The following CNPY1 variants were observed in gnomAD, a reference collection of about 807,000 sequenced individuals.
CNPY1 encodes the protein canopy FGF signaling regulator 1, also known as protein canopy homolog 1.
Under a neutral mutation model 14.4 loss-of-function variants are expected in CNPY1, and 14 were observed. That is an observed-to-expected ratio of 0.97 (90% CI 0.64 to 1.52). The LOEUF is 1.52. CNPY1 is among the 40% of genes most tolerant of loss of function. CNPY1 has a pLI of 0.00. For missense variants in CNPY1, 129 were observed against 131.5 expected (o/e 0.98, Z 0.09); for synonymous variants, 43 against 46.5 (o/e 0.92, Z 0.31).
Position 155,508,875 on chromosome 7 carries a change from T to G in CNPY1, c.303+19A>C. On this transcript the variant is annotated intron_variant, in intron 3 of 4. Coordinates refer to ENST00000636446, the MANE Select transcript of CNPY1 (RefSeq NM_001393663.1). Reference sequence around the variant, plus strand: ...ACGTTTCTGGATCATACGATTCATCTGCAAGGAAGAGAGCTTACCGCAAAT... The same window carrying G: ...ACGTTTCTGGATCATACGATTCATCGGCAAGGAAGAGAGCTTACCGCAAAT... 1 of 1,611,568 alleles carries G rather than the reference T, an allele frequency of 6.2e-7. No individual in the cohort carries two copies. The highest frequency in any genetic ancestry group is 8.5e-7 in the Non-Finnish European group (1 of 1,179,422).
At chr7:155,506,911 CG>C in intron 4 of CNPY1, 108 bp downstream of exon 4, 1 of 717,702 alleles carries the variant, frequency 1.4e-6, no homozygotes. Context: ...GTGTCAGAGC[CG>C]TGGATCGCAG....
At chr7:155,528,335 G>A (rs554889837) in intron 2 of CNPY1, among the ~76,000 whole-genome samples, 6 of 152,312 alleles carry the variant, frequency 3.9e-5, no homozygotes, top group South Asian at 2.1e-4. Context: ...TGTGGTGGGC[G>A]GGCCCAGGAG....
intron 2 of CNPY1, among the ~76,000 whole-genome samples, chr7:155,537,756 C>T (rs974807210): frequency 5.9e-5 from 9 of 152,036 alleles, no homozygotes; most frequent in East Asian, 1.9e-4. Flanking sequence ...AACAAAATCA[C>T]GTGTCTGTGT....
intron 4 of CNPY1, among the ~76,000 whole-genome samples, chr7:155,506,366 G>C (rs1391641123): frequency 1.3e-5 from 2 of 152,202 alleles, no homozygotes; most frequent in Non-Finnish European, 2.9e-5. Flanking sequence ...CAACAGAGCG[G>C]AGAGTCAGTG....
intron 2 of CNPY1, among the ~76,000 whole-genome samples, chr7:155,514,444 TA>T (rs1301190941): frequency 6.6e-6 from 1 of 152,188 alleles, no homozygotes; most frequent in African/African-American, 2.4e-5. Context: ...ACTGAGAACA[TA>T]ATGGTTGATG....
At chr7:155,508,394 G>A (rs1235712893) in intron 3 of CNPY1, among the ~76,000 whole-genome samples, 2 of 152,212 alleles carry the variant, frequency 1.3e-5, no homozygotes, top group Non-Finnish European at 2.9e-5. Flanking sequence ...TAGAAAAAAA[G>A]AGGTGGTTGC....
rs914123082 is a variant in CNPY1, at chr7:155,536,744, C to T, written c.99+9087G>A. On this transcript the variant is annotated intron_variant, in intron 2 of 4. Coordinates refer to ENST00000636446, the MANE Select transcript of CNPY1 (RefSeq NM_001393663.1). The surrounding 1 kb of genome is among the most constrained non-coding windows in gnomAD (Gnocchi z 4.1). ...CTGAATGACCAAGTGGAGCAGAGCC[C>T]CGTGCCAACCCACACTAGACTACGA... Among the ~76,000 whole-genome samples the T allele has an allele frequency of 1.3e-5, 2 of 152,156 alleles. No homozygotes were observed. Among genetic ancestry groups the T allele is most frequent in the African/African-American group, 4.8e-5 (2 of 41,444 alleles).
At chr7:155,519,937 T>C (rs1796687142) in intron 2 of CNPY1, among the ~76,000 whole-genome samples, 1 of 152,228 alleles carries the variant, frequency 6.6e-6, no homozygotes, top group South Asian at 2.1e-4. Context: ...CCTCTCATAG[T>C]TCCTTGACTT....
intron 2 of CNPY1, among the ~76,000 whole-genome samples, chr7:155,525,228 T>C (rs1290003534): frequency 6.6e-6 from 1 of 152,214 alleles, no homozygotes; most frequent in Non-Finnish European, 1.5e-5. Context: ...TTGCCCAGAC[T>C]GTAGTGCAGT....
chr7:155,508,214 GC>G (rs754964926), intron 3 of CNPY1, among the ~76,000 whole-genome samples: 6 of 152,172 alleles, frequency 3.9e-5, no homozygotes, highest in Non-Finnish European at 7.4e-5. Flanking sequence ...AACGTATTTT[GC>G]CAAGCATATT....
Position 155,502,014 on chromosome 7 carries a change from T to A in CNPY1, c.*1054A>T, listed in dbSNP as rs2116644715. On this transcript the variant is annotated 3_prime_UTR_variant, in exon 5 of 5. Coordinates refer to ENST00000636446, the MANE Select transcript of CNPY1 (RefSeq NM_001393663.1). ...TGGGTCGGGGGGGTTGGGGGGGGGA[T>A]TTGTAGCATCCTACCCACTTGATTG... The A allele has an allele frequency of 6.9e-6, 1 of 145,708 alleles. No homozygotes were observed. Among genetic ancestry groups the A allele is most frequent in the Admixed American group, 6.8e-5 (1 of 14,748 alleles). The allele number at this position is 145,708 out of a possible 1,614,324, so 9.0% of individuals were successfully genotyped here. A position where few individuals can be genotyped will look rare whatever the true frequency, so the allele number is the denominator to read the frequency against.
chr7:155,540,415 G>C lies in CNPY1; in HGVS notation c.99+5416C>G, dbSNP rs373029607. On this transcript the variant is annotated intron_variant, in intron 2 of 4. Transcript: ENST00000636446. ...TAATACTAATTTGTCAAAATTAAGT[G>C]AGTCACTAAAGCTTTCTGGGCCTCA... Among the ~76,000 whole-genome samples the C allele has an allele frequency of 2.6e-4, 40 of 152,306 alleles. 1 individual carries two copies. In the South Asian group the frequency reaches 8.3e-3, roughly 32 times the overall value.
intron 2 of CNPY1, among the ~76,000 whole-genome samples, chr7:155,532,626 T>C (rs996434579): frequency 3.3e-5 from 5 of 152,038 alleles, no homozygotes; most frequent in African/African-American, 1.2e-4. Context: ...GTCTCAAAAA[T>C]AGAGGGAGGA....
intron 2 of CNPY1, among the ~76,000 whole-genome samples, chr7:155,523,775 T>C (rs141865418): frequency 1.1e-3 from 162 of 152,282 alleles, no homozygotes; most frequent in Non-Finnish European, 1.9e-3. Flanking sequence ...AATGTGACCT[T>C]ATTCAGAAAA....
At chr7:155,515,371 C>G (rs1309677775) in intron 2 of CNPY1, among the ~76,000 whole-genome samples, 2 of 144,608 alleles carry the variant, frequency 1.4e-5, no homozygotes, top group Non-Finnish European at 3.0e-5. Flanking sequence ...ACAAGAGGCT[C>G]TTCCACCTCC....
At chr7:155,542,379 G>A (rs947333896) in intron 2 of CNPY1, among the ~76,000 whole-genome samples, 5 of 152,152 alleles carry the variant, frequency 3.3e-5, no homozygotes, top group Admixed American at 6.5e-5. Context: ...GCTCATGGGC[G>A]GGCGTAGGGA....
chr7:155,539,597 G>A lies in CNPY1; in HGVS notation c.99+6234C>T, dbSNP rs1434358396. 5.3e-5 allele frequency among the ~76,000 whole-genome samples: 8 copies of A among 152,304 alleles called. No individual in the cohort carries two copies. In the East Asian group the frequency reaches 1.5e-3, roughly 29 times the overall value. On this transcript the variant is annotated intron_variant, in intron 2 of 4. Coordinates refer to ENST00000636446, the MANE Select transcript of CNPY1 (RefSeq NM_001393663.1). ...GTTTCATAGTACATAATGGGATGGGGTAGCTCTGTCAATAGTGTGGGAGCA... is the reference window on the plus strand; with the variant it reads ...GTTTCATAGTACATAATGGGATGGGATAGCTCTGTCAATAGTGTGGGAGCA...
chr7:155,530,207 C>G (rs748129128), intron 2 of CNPY1, among the ~76,000 whole-genome samples: 1 of 152,010 alleles, frequency 6.6e-6, no homozygotes, highest in African/African-American at 2.4e-5. Context: ...TGATGTGTCT[C>G]TCTCCACATC....
At chr7:155,529,833 A>T (rs975695329) in intron 2 of CNPY1, among the ~76,000 whole-genome samples, 2 of 150,776 alleles carry the variant, frequency 1.3e-5, no homozygotes, top group Non-Finnish European at 2.9e-5. Flanking sequence ...CGCACGCTGG[A>T]GTGCAGTGGC....
Sources: gnomAD v4.1 joint callset for allele counts (sites outside exome capture counted in the v4.1 genomes callset) on GRCh38, gnomAD v4.1.1 for gene constraint, Gnocchi (gnomAD v3.1) non-coding constraint, MANE v1.5 for transcripts, NCBI Gene and HGNC (gene_info 2026-07-23, HGNC 2026-07-21) for gene names.